The following C2CD3 variants were observed in gnomAD, a reference collection of about 807,000 sequenced individuals.
C2CD3 encodes the protein C2 domain-containing protein 3.
Under a neutral mutation model 234.0 loss-of-function variants are expected in C2CD3, and 148 were observed. The ratio of observed to expected loss-of-function variants is 0.63; its 90% CI spans 0.55 to 0.72. The LOEUF is 0.72. Ranked by LOEUF, C2CD3 falls within the 30% of genes least tolerant of loss-of-function variation. The pLI is 0.00. For missense variants in C2CD3, 2,577 were observed against 2,811.5 expected, an observed-to-expected ratio of 0.92 and a Z score of 1.89; for synonymous variants, 1,000 against 1,035.4, an observed-to-expected ratio of 0.97 and a Z score of 0.66.
At chr11:74,126,834 AAT>A (rs1957429279) in intron 7 of C2CD3, among the ~76,000 whole-genome samples, 1 of 152,296 alleles carries the variant, frequency 6.6e-6, no homozygotes, top group South Asian at 2.1e-4. Context: ...ATCACCACTC[AAT>A]TTTAAAACAT....
chr11:74,036,464 G>A (rs755221731), intron 30 of C2CD3: 18 of 455,934 alleles, frequency 3.9e-5, no homozygotes, highest in African/African-American at 3.4e-4. Context: ...CTGAGGCCAT[G>A]GATACCAACA....
rs572569502 is a variant in C2CD3 at position 74,153,271 on chromosome 11, C to T, written c.483+8128G>A. ...AAAACAAACAAAAGCAAGTGAAAGA[C>T]CAAATGCTTTCCTATGAAAAGAAAG... On this transcript the variant is annotated intron_variant, in intron 3 of 32. Coordinates refer to ENST00000334126, the MANE Select transcript of C2CD3 (RefSeq NM_001286577.2). 1.7e-3 allele frequency among the ~76,000 whole-genome samples: 262 copies of T among 150,656 alleles called. 1 individual carries two copies. Among genetic ancestry groups the T allele is most frequent in the Middle Eastern group, 7.0e-3 (2 of 284 alleles).
intron 32 of C2CD3, among the ~76,000 whole-genome samples, chr11:74,017,659 T>C (rs1726754): frequency 0.078 from 11,895 of 152,162 alleles, 1,458 homozygotes; most frequent in African/African-American, 0.26. Context: ...TCTTTGGGCC[T>C]TGGTTTGTGC....
At position 74,049,365 on chromosome 11, in the gene C2CD3, C is replaced by T; in HGVS notation, c.5333G>A (p.Arg1778Lys). 2 of 1,614,138 alleles carry T rather than the reference C, an allele frequency of 1.2e-6. No individual in the cohort carries two copies. The highest frequency in any genetic ancestry group is 1.7e-6 in the Non-Finnish European group (2 of 1,179,980). ...LIHFKEERQARRGVETSKSLI... is the reference protein window; with the variant it reads ...LIHFKEERQAKRGVETSKSLI... ...TGATTTTGAGGTCTCCACTCCACGC[C>T]TTGCTTGCCTTTCTTCTTTGAAGTG... is the stretch of plus-strand genomic sequence containing the variant. The change falls in exon 27 of 33, where the codon AGG becomes AAG. Residue 1778 changes from arginine (R) to lysine (K), a missense_variant. By Grantham distance (26) the Arg-to-Lys change is conservative. Coordinates refer to ENST00000334126, the MANE Select transcript of C2CD3 (RefSeq NM_001286577.2).
chr11:74,098,308 A>G, intron 15 of C2CD3, 53 bp from the exon 16 acceptor site: 1 of 1,556,786 alleles, frequency 6.4e-7, no homozygotes, highest in Non-Finnish European at 8.8e-7. Flanking sequence ...ATCATGTCAT[A>G]GAGTTATTTC....
rs750685094 is a variant in C2CD3 at position 74,078,647 on chromosome 11, C to T, written c.4071G>A (p.Gln1357=). The T allele has an allele frequency of 6.2e-7, 1 of 1,614,196 alleles. No individual in the cohort carries two copies. The highest frequency in any genetic ancestry group is 1.1e-5 in the South Asian group (1 of 91,080). ...AAAGCTCCAGACCACCCACGATCTT[C>T]TGCATGAGCTCCAGGCCATGAGGTA... ...GGLPHGLELM[Q]KIVGGLELSI... is the part of the protein sequence containing the mutation. Residue 1357 remains glutamine, a synonymous_variant, in exon 23 of 33, where the codon CAG becomes CAA. Coordinates refer to ENST00000334126, the MANE Select transcript of C2CD3 (RefSeq NM_001286577.2).
rs183694642 is a variant in C2CD3 at position 74,026,068 on chromosome 11, C to T, written c.6921+2219G>A. Reference sequence around the variant, plus strand: ...ATCTTCCTGGACAGGACTGACACTTCTCCTCCCCTACGAGAGGATTTACAA... The same window carrying T: ...ATCTTCCTGGACAGGACTGACACTTTTCCTCCCCTACGAGAGGATTTACAA... On this transcript the variant is annotated intron_variant, in intron 32 of 32. Coordinates refer to ENST00000334126, the MANE Select transcript of C2CD3 (RefSeq NM_001286577.2). 1.6e-4 allele frequency among the ~76,000 whole-genome samples: 25 copies of T among 152,260 alleles called. 1 individual carries two copies. In the East Asian group the frequency reaches 4.8e-3, roughly 29 times the overall value.
intron 25 of C2CD3, among the ~76,000 whole-genome samples, chr11:74,056,103 T>TA (rs1418315445): frequency 5.3e-5 from 8 of 152,198 alleles, no homozygotes; most frequent in Admixed American, 1.3e-4. Context: ...ACTGCAGTTC[T>TA]AGCTCCTGAC....
chr11:74,037,428 T>C, intron 30 of C2CD3, 50 bp downstream of exon 30: 2 of 1,406,554 alleles, frequency 1.4e-6, no homozygotes, highest in Non-Finnish European at 2.0e-6. Context: ...GCTTTTTGAA[T>C]TAGCACCTAG....
At chr11:74,072,285 T>A (rs996781043) in intron 24 of C2CD3, among the ~76,000 whole-genome samples, 1 of 152,218 alleles carries the variant, frequency 6.6e-6, no homozygotes. Context: ...AGGATCATTA[T>A]GGAAGCTTAT....
At chr11:74,151,216 G>A (rs1418194846) in intron 3 of C2CD3, among the ~76,000 whole-genome samples, 1 of 152,116 alleles carries the variant, frequency 6.6e-6, no homozygotes, top group African/African-American at 2.4e-5. Flanking sequence ...CAGCCACAGC[G>A]CCTGGCCCAC....
chr11:74,130,765 A>G (rs899884278), intron 7 of C2CD3, among the ~76,000 whole-genome samples: 1 of 151,972 alleles, frequency 6.6e-6, no homozygotes, highest in Non-Finnish European at 1.5e-5. Flanking sequence ...AAGCTTTAAA[A>G]TTGGAAAGTG....
At position 74,057,449 on chromosome 11, in the gene C2CD3, C is replaced by T; in HGVS notation, c.5047G>A (p.Glu1683Lys). The T allele has an allele frequency of 1.2e-6, 2 of 1,614,144 alleles. No individual in the cohort carries two copies. The highest frequency in any genetic ancestry group is 1.7e-6 in the Non-Finnish European group (2 of 1,179,990). The change falls in exon 25 of 33, where the codon GAA (glutamate) becomes AAA (lysine). Residue 1683 changes from glutamate to lysine, a missense_variant. Physicochemically the swap from Glu to Lys is moderately conservative, Grantham distance 56. Coordinates refer to ENST00000334126, the MANE Select transcript of C2CD3 (RefSeq NM_001286577.2). ...TTCCAGATGGGGGAATCTGTGTTTT[C>T]AACCACTTGGGTGTATACAGGAGAT... The part of the protein sequence containing the change: ...ESSPVYTQVV[E>K]NTDSPIWNFQ...
chr11:74,056,532 C>T (rs529730641), intron 25 of C2CD3, among the ~76,000 whole-genome samples: 1 of 152,214 alleles, frequency 6.6e-6, no homozygotes, highest in East Asian at 1.9e-4. Flanking sequence ...TAACAATGAC[C>T]TTATAAAAAT....
chr11:74,027,296 T>C (rs546410785), intron 32 of C2CD3, among the ~76,000 whole-genome samples: 155 of 152,220 alleles, frequency 1.0e-3, no homozygotes, highest in South Asian at 2.5e-3. Flanking sequence ...TTAGTAGAGA[T>C]GGGGTTTTGC....
intron 11 of C2CD3, among the ~76,000 whole-genome samples, chr11:74,110,936 A>G (rs1956718628): frequency 6.6e-6 from 1 of 152,250 alleles, no homozygotes; most frequent in Non-Finnish European, 1.5e-5. Flanking sequence ...AATCAGAACT[A>G]GAACCCAGTC....
intron 24 of C2CD3, among the ~76,000 whole-genome samples, chr11:74,062,768 T>G (rs1252962414): frequency 2.0e-5 from 3 of 148,138 alleles, no homozygotes; most frequent in Non-Finnish European, 4.5e-5. Flanking sequence ...AAGAAATAAC[T>G]AAGATCAGAG....
chr11:74,117,598 G>A (rs1258853529), intron 9 of C2CD3, among the ~76,000 whole-genome samples: 1 of 151,634 alleles, frequency 6.6e-6, no homozygotes, highest in Non-Finnish European at 1.5e-5. Context: ...GCAAGAGTGG[G>A]AAGAAGGTGA....
chr11:74,099,949 G>A (rs1026754465), intron 15 of C2CD3, among the ~76,000 whole-genome samples: 1 of 151,860 alleles, frequency 6.6e-6, no homozygotes, highest in Non-Finnish European at 1.5e-5. Flanking sequence ...ATTGAGGAAT[G>A]AAATAACCTT....
Sources: allele counts gnomAD v4.1 joint callset (sites outside exome capture counted in the v4.1 genomes callset), GRCh38; gene constraint gnomAD v4.1.1; transcripts MANE v1.5; gene names NCBI Gene and HGNC (gene_info 2026-07-23, HGNC 2026-07-21).